The following TTN variants were observed in gnomAD, a reference collection of about 807,000 sequenced individuals.
TTN encodes the protein titin, also known as connectin.
A neutral mutation model predicts 3,223.0 loss-of-function variants in TTN; 1,525 were observed. That is an observed-to-expected ratio of 0.47 (90% CI 0.45 to 0.49). The LOEUF (loss-of-function observed/expected upper bound fraction) is 0.49, where lower values mean the gene tolerates loss of function less well. Ranked by LOEUF, TTN falls within the 20% of genes least tolerant of loss-of-function variation. TTN has a pLI of 0.00. For missense variants in TTN, 40,786 were observed against 43,424.0 expected (o/e 0.94, Z 5.40); for synonymous variants, 14,094 against 15,161.0 (o/e 0.93, Z 5.17).
chr2:178,707,417 CA>C, intron 100 of TTN, 108 bp downstream of exon 100: 1 of 1,334,600 alleles, frequency 7.5e-7, no homozygotes, highest in Admixed American at 2.9e-5. Context: ...AGATGAGCAA[CA>C]ACTGATATTT....
Position 178,555,061 on chromosome 2 carries a change from G to C in TTN, c.88398C>G (p.Gly29466=), listed in dbSNP as rs776559329. The C allele has an allele frequency of 7.4e-6, 12 of 1,613,642 alleles. No homozygotes were observed. In the Admixed American group the frequency reaches 1.3e-4, roughly 18 times the overall value. ...ACCACTCAATAGTAGGCGCAGGTTT[G>C]CCAGAAATGCCAGCTCTGAGCTTCA... The part of the protein sequence containing the change: ...TSVKLRAGIS[G]KPAPTIEWYK... The change falls in exon 331 of 363, where the codon GGC becomes GGG. Residue 29466 remains glycine, a synonymous_variant. Coordinates refer to ENST00000589042, the MANE Select transcript of TTN (RefSeq NM_001267550.2).
intron 47 of TTN, chr2:178,749,196 GTT>G: frequency 6.2e-7 from 1 of 1,611,060 alleles, no homozygotes; most frequent in Non-Finnish European, 8.5e-7. Context: ...GATCTACCAA[GTT>G]TTCCAAAATT....
chr2:178,733,745 T>C lies in TTN; in HGVS notation c.15644A>G (p.Lys5215Arg). The change falls in exon 53 of 363, where the codon AAA (lysine) becomes AGA (arginine). Residue 5215 changes from lysine to arginine, a missense_variant. Coordinates refer to ENST00000589042, the MANE Select transcript of TTN (RefSeq NM_001267550.2). Reference sequence around the variant, plus strand: ...TGCAACACCATTGGAAAAGCTCATTTTGATTTTTCCGTCTTCTCTGATGAC... The same window carrying C: ...TGCAACACCATTGGAAAAGCTCATTCTGATTTTTCCGTCTTCTCTGATGAC... ...QEVIREDGKI[K>R]MSFSNGVAVL... 6.2e-7 allele frequency: 1 copy of C among 1,613,856 alleles called. No individual in the cohort carries two copies. Among genetic ancestry groups the C allele is most frequent in the East Asian group, 2.2e-5 (1 of 44,872 alleles).
At chr2:178,635,860 A>G in intron 226 of TTN, 103 bp downstream of exon 226, 1 of 1,512,288 alleles carries the variant, frequency 6.6e-7, no homozygotes, top group Non-Finnish European at 8.9e-7. Context: ...TTCCCCTCTT[A>G]GGTACAAGAT....
In TTN at chr2:178,768,942, G is replaced by T; in HGVS notation, c.8903-9C>A. The T allele has an allele frequency of 6.2e-7, 1 of 1,613,146 alleles. No homozygotes were observed. Among genetic ancestry groups the T allele is most frequent in the East Asian group, 2.2e-5 (1 of 44,774 alleles). ...GGAAGTAATCATGATTGCTGCAAAG[G>T]AGAAAAGAAAAAACACCCAAGGAGA... On this transcript the variant is annotated splice_polypyrimidine_tract_variant and intron_variant, in intron 37 of 362. Transcript: ENST00000589042.
intron 113 of TTN, among the ~76,000 whole-genome samples, chr2:178,696,539 A>G (rs189956954): frequency 7.2e-5 from 11 of 152,052 alleles, no homozygotes; most frequent in African/African-American, 2.6e-4. Flanking sequence ...CTATTATTCC[A>G]TGAGAGCTCC....
intron 17 of TTN, 40 bp from the exon 18 acceptor site, chr2:178,783,104 T>C: frequency 6.2e-7 from 1 of 1,601,794 alleles, no homozygotes; most frequent in Non-Finnish European, 8.6e-7. Flanking sequence ...TACGTGTGCA[T>C]ATTCATTAAT....
intron 137 of TTN, 93 bp downstream of exon 137, chr2:178,681,283 G>A: frequency 6.9e-7 from 1 of 1,442,636 alleles, no homozygotes; most frequent in Non-Finnish European, 9.5e-7. Context: ...ATCCTACTCA[G>A]CAAAAACACA....
At chr2:178,701,288 A>G in intron 110 of TTN, 85 bp from the exon 111 acceptor site, 1 of 1,254,784 alleles carries the variant, frequency 8.0e-7, no homozygotes, top group Non-Finnish European at 1.1e-6. Flanking sequence ...CATTTCTTTC[A>G]GTACTTCATA....
chr2:178,778,180 G>T (rs568575326), intron 24 of TTN: 9 of 674,514 alleles, frequency 1.3e-5, no homozygotes, highest in South Asian at 7.6e-5. Context: ...CTCAATTTTA[G>T]CTGGTAGTCA....
rs1318872584 is a variant in TTN, at chr2:178,604,784, A to T, written c.54305T>A (p.Ile18102Asn). 1 of 1,612,288 alleles carries T rather than the reference A, an allele frequency of 6.2e-7. No individual in the cohort carries two copies. Among genetic ancestry groups the T allele is most frequent in the Non-Finnish European group, 8.5e-7 (1 of 1,178,996 alleles). ...CTTCCTACTTGCATCACGTTTGTCAATAACATAATGGGTGATTTCACTGCC... is the reference window on the plus strand; with the variant it reads ...CTTCCTACTTGCATCACGTTTGTCATTAACATAATGGGTGATTTCACTGCC... ...NGGSEITHYV[I>N]DKRDASRKKA... Residue 18102 changes from isoleucine to asparagine, a missense_variant, in exon 281 of 363, where the codon ATT becomes AAT. By Grantham distance (149) the Ile-to-Asn change is moderately radical (BLOSUM62 -3). Coordinates refer to ENST00000589042, the MANE Select transcript of TTN (RefSeq NM_001267550.2).
At position 178,732,090 on chromosome 2, in the gene TTN, A is replaced by G. The variant is rs779925659; in HGVS notation, c.16879T>C (p.Cys5627Arg). The G allele has an allele frequency of 3.7e-6, 6 of 1,611,310 alleles. No homozygotes were observed. In the African/African-American group the frequency reaches 4.0e-5, roughly 11 times the overall value. Residue 5627 changes from cysteine (C) to arginine (R), a missense_variant, in exon 57 of 363, where the codon TGC (cysteine) becomes CGC (arginine). Coordinates refer to ENST00000589042, the MANE Select transcript of TTN (RefSeq NM_001267550.2). ...EAQNEAGSDH[C>R]SSIVIVKESP... ...CCTTTGACTATTACAATGCTACTGC[A>G]GTGGTCACTGCCAGCCTCATTTTGG...
Position 178,738,062 on chromosome 2 carries a change from T to C in TTN, c.14371+20A>G, listed in dbSNP as rs750662705. 2.5e-6 allele frequency: 4 copies of C among 1,605,966 alleles called. No homozygotes were observed. In the Admixed American group the frequency reaches 6.7e-5, roughly 27 times the overall value. ...ATATGAAATGAAGTGACAACATCTGTGCCAATGTATGGCATTTACCTGTCA... is the reference window on the plus strand; with the variant it reads ...ATATGAAATGAAGTGACAACATCTGCGCCAATGTATGGCATTTACCTGTCA... On this transcript the variant is annotated intron_variant, in intron 49 of 362. Transcript: ENST00000589042.
chr2:178,621,394 T>G, intron 245 of TTN, 26 bp from the exon 246 acceptor site: 1 of 1,606,722 alleles, frequency 6.2e-7, no homozygotes, highest in Non-Finnish European at 8.5e-7. Flanking sequence ...TACAAGATAT[T>G]AGAAACATAT....
In TTN at chr2:178,685,582, C is replaced by G. The variant is rs2070643409; in HGVS notation, c.32328G>C (p.Glu10776Asp). 3.7e-6 allele frequency: 6 copies of G among 1,613,486 alleles called. No individual in the cohort carries two copies. Among genetic ancestry groups the G allele is most frequent in the Non-Finnish European group, 4.2e-6 (5 of 1,179,742 alleles). The part of the protein sequence containing the change: ...VTEYEVMEEP[E>D]EYVVEEKLHI... ...GCAGCTTTTCTTCCACAACATATTC[C>G]TCAGGCTCTTCCATCACTTTAAAGA... The change falls in exon 128 of 363, where the codon GAG becomes GAC. Residue 10776 changes from glutamate to aspartate, a missense_variant. By Grantham distance (45) the Glu-to-Asp change is conservative. Transcript: ENST00000589042.
In TTN at chr2:178,578,195, AC is replaced by A. The variant is rs1004563596; in HGVS notation, c.68330-11del. ...AACTCGAGATGATACCCTACAAAAG[AC>A]CCAGGGATGTATCAAGTATAAATGC... On this transcript the variant is annotated splice_polypyrimidine_tract_variant and intron_variant, in intron 321 of 362. Transcript: ENST00000589042. 5 of 1,606,280 alleles carry A rather than the reference AC, an allele frequency of 3.1e-6. No homozygotes were observed. The highest frequency in any genetic ancestry group is 1.3e-5 in the African/African-American group (1 of 74,568).
intron 226 of TTN, 110 bp downstream of exon 226, chr2:178,635,853 C>T: frequency 6.6e-7 from 1 of 1,512,288 alleles, no homozygotes; most frequent in Non-Finnish European, 8.9e-7. Flanking sequence ...ATTGTTATTC[C>T]CCTCTTAGGT....
Position 178,622,768 on chromosome 2 carries a change from C to G in TTN, c.44816-1G>C. 6.3e-7 allele frequency: 1 copy of G among 1,593,882 alleles called. No homozygotes were observed. Among genetic ancestry groups the G allele is most frequent in the Non-Finnish European group, 8.6e-7 (1 of 1,168,346 alleles). On this transcript the variant is annotated splice_acceptor_variant, in intron 242 of 362. Transcript: ENST00000589042. LOFTEE classifies it high-confidence loss of function. ...GGTCTTAAGAATTCCACATGAGGAGCTGTAAGAGAATGTCATCAGAATTCA... is the reference window on the plus strand; with the variant it reads ...GGTCTTAAGAATTCCACATGAGGAGGTGTAAGAGAATGTCATCAGAATTCA...
rs750029508 is a variant in TTN at position 178,617,358 on chromosome 2, G to A, written c.47727C>T (p.Cys15909=). ...TCAGTTCAGGGACAAGTTTCATATT[G>A]CAACGAATCCAATTATCTTTTCCTT... ...CEEGKDNWIR[C]NMKLVPELTY... is the part of the protein sequence containing the mutation. Residue 15909 remains cysteine (C), a synonymous_variant, in exon 254 of 363, where the codon TGC becomes TGT. Coordinates refer to ENST00000589042, the MANE Select transcript of TTN (RefSeq NM_001267550.2). 7 of 1,582,160 alleles carry A rather than the reference G, an allele frequency of 4.4e-6. No homozygotes were observed. Among genetic ancestry groups the A allele is most frequent in the Non-Finnish European group, 5.1e-6 (6 of 1,168,020 alleles).
Sources: allele counts gnomAD v4.1 joint callset (sites outside exome capture counted in the v4.1 genomes callset), GRCh38; gene constraint gnomAD v4.1.1; transcripts MANE v1.5; gene names NCBI Gene and HGNC (gene_info 2026-07-23, HGNC 2026-07-21).